The following ME2 variants were observed in gnomAD, a reference collection of about 807,000 sequenced individuals.
ME2 encodes the protein NAD-dependent malic enzyme, mitochondrial.
A neutral mutation model predicts 73.7 loss-of-function variants in ME2; 60 were observed. That is an observed-to-expected ratio of 0.81 (90% CI 0.66 to 1.01). The LOEUF (loss-of-function observed/expected upper bound fraction) is 1.01. Ranked by LOEUF, ME2 falls within the 50% of genes least tolerant of loss-of-function variation. ME2 has a pLI of 0.00. For synonymous variants in ME2, 199 were observed against 236.9 expected (o/e 0.84, Z 1.47); for missense variants, 594 against 705.5 (o/e 0.84, Z 1.79).
chr18:50,935,882 A>AG (rs1917807954), intron 13 of ME2: 1 of 152,136 alleles, frequency 6.6e-6, no homozygotes, highest in Non-Finnish European at 1.5e-5. Flanking sequence ...AGAAAAAAAA[A>AG]TAGGTAAGGG....
intron 13 of ME2, chr18:50,933,472 C>T (rs1917744959): frequency 6.6e-6 from 1 of 151,882 alleles, no homozygotes; most frequent in Non-Finnish European, 1.5e-5. Context: ...TTTTTTGCCC[C>T]TCATGTTTTC....
intron 2 of ME2, among the ~76,000 whole-genome samples, chr18:50,899,961 G>C (rs1916847647): frequency 6.6e-6 from 1 of 152,172 alleles, no homozygotes. Flanking sequence ...TTGGTGCTCG[G>C]AGTTTCACAG....
chr18:50,946,336 A>G, intron 15 of ME2, among the ~76,000 whole-genome samples: 1 of 152,168 alleles, frequency 6.6e-6, no homozygotes, highest in South Asian at 2.1e-4. Context: ...CTTACTGTTG[A>G]GGGTCTAATA....
At chr18:50,924,915 C>T (rs1259215497) in intron 11 of ME2, among the ~76,000 whole-genome samples, 1 of 151,794 alleles carries the variant, frequency 6.6e-6, no homozygotes, top group Non-Finnish European at 1.5e-5. Context: ...CTCCTGACCT[C>T]AGGTGATCCA....
At chr18:50,936,249 T>G (rs1599123182) in intron 13 of ME2, among the ~76,000 whole-genome samples, 1 of 152,248 alleles carries the variant, frequency 6.6e-6, no homozygotes, top group East Asian at 1.9e-4. Context: ...CTTGCCAACC[T>G]AGAATTCATT....
chr18:50,895,674 C>T, intron 1 of ME2, 135 bp from the exon 2 acceptor site: 2 of 610,490 alleles, frequency 3.3e-6, no homozygotes, highest in South Asian at 2.1e-5. Flanking sequence ...AAGTTTTCAC[C>T]TTCGCCTCTT....
intron 1 of ME2, among the ~76,000 whole-genome samples, chr18:50,881,068 G>T (rs765184772): frequency 2.0e-5 from 3 of 152,092 alleles, no homozygotes; most frequent in Non-Finnish European, 4.4e-5. Flanking sequence ...TGCTCTTGTT[G>T]CCCAGGCTGG....
chr18:50,947,216 C>G lies in ME2; in HGVS notation c.*32C>G. The G allele has an allele frequency of 6.3e-7, 1 of 1,589,872 alleles. No individual in the cohort carries two copies. The highest frequency in any genetic ancestry group is 1.4e-5 in the African/African-American group (1 of 73,828). On this transcript the variant is annotated 3_prime_UTR_variant, in exon 16 of 16. Transcript: ENST00000321341. ...TCCCCTGATAAATACTTTCTGTGCT[C>G]CAGGGAACCCCTTTTTTCAGACAAG...
intron 1 of ME2, among the ~76,000 whole-genome samples, chr18:50,884,070 C>G (rs781016203): frequency 2.6e-5 from 4 of 152,020 alleles, no homozygotes; most frequent in Non-Finnish European, 5.9e-5. Flanking sequence ...CTGTCTGTTT[C>G]TGTCTGTAAG....
intron 12 of ME2, among the ~76,000 whole-genome samples, chr18:50,928,142 A>G (rs1186411129): frequency 1.3e-5 from 2 of 150,546 alleles, no homozygotes; most frequent in Non-Finnish European, 3.0e-5. Flanking sequence ...TGTGAATTGC[A>G]ATTAAAATTT....
chr18:50,903,308 A>G (rs1160651629), intron 2 of ME2, among the ~76,000 whole-genome samples: 1 of 152,204 alleles, frequency 6.6e-6, no homozygotes, highest in Non-Finnish European at 1.5e-5. Flanking sequence ...ATAAATATCT[A>G]TACATAAAAT....
intron 1 of ME2, among the ~76,000 whole-genome samples, chr18:50,882,965 C>CA (rs973622536): frequency 6.6e-6 from 1 of 151,812 alleles, no homozygotes; most frequent in Non-Finnish European, 1.5e-5. Context: ...AAAAAACAAA[C>CA]AAAAAAACTA....
rs1403448574 is a variant in ME2, at chr18:50,948,266, A to T, written c.*1082A>T. 6.6e-6 allele frequency: 1 copy of T among 152,234 alleles called. No homozygotes were observed. Among genetic ancestry groups the T allele is most frequent in the Non-Finnish European group, 1.5e-5 (1 of 68,040 alleles). The allele number at this position is 152,234 out of a possible 1,614,324, so 9.4% of individuals were successfully genotyped here. On this transcript the variant is annotated 3_prime_UTR_variant, in exon 16 of 16. Coordinates refer to ENST00000321341, the MANE Select transcript of ME2 (RefSeq NM_002396.5). ...ATGGGGATGAATAAGGTTGGTGTTC[A>T]TCTGGGAAATGCCTTTTTTAATCCC...
In ME2 at chr18:50,920,226, C is replaced by T. The variant is rs553024598; in HGVS notation, c.735-230C>T. Reference sequence around the variant, plus strand: ...GAAAATAGTTTACATAGATTGATAGCCCATGGGTTTATCATTGTGCCACAT... The same window carrying T: ...GAAAATAGTTTACATAGATTGATAGTCCATGGGTTTATCATTGTGCCACAT... On this transcript the variant is annotated intron_variant, in intron 7 of 15. Transcript: ENST00000321341. Among the ~76,000 whole-genome samples, 3 of 152,210 alleles carry T rather than the reference C, an allele frequency of 2.0e-5. No homozygotes were observed. The South Asian group carries it at 6.2e-4, about 32-fold the overall frequency.
chr18:50,951,797 G>A lies in ME2; in HGVS notation c.*4613G>A, dbSNP rs531174353. On this transcript the variant is annotated 3_prime_UTR_variant, in exon 16 of 16. Transcript: ENST00000321341. ...GGAGTCTGAGGAGTGAACCCGGGAG[G>A]TGGAGGTTGCAGTGAGCTGAGATCG... The A allele has an allele frequency of 2.1e-5, 3 of 146,164 alleles. No individual in the cohort carries two copies. In the South Asian group the frequency reaches 6.7e-4, roughly 32 times the overall value. 9.1% of individuals were successfully genotyped at this position (146,164 alleles called of 1,614,324 possible).
intron 4 of ME2, among the ~76,000 whole-genome samples, chr18:50,914,030 G>C (rs1262527059): frequency 6.6e-6 from 1 of 152,024 alleles, no homozygotes; most frequent in Non-Finnish European, 1.5e-5. Context: ...GCCTTGTCTA[G>C]TGGCTTTCAA....
At position 50,907,894 on chromosome 18, in the gene ME2, T is replaced by C. The variant is rs115327746; in HGVS notation, c.109-169T>C. Among the ~76,000 whole-genome samples the C allele has an allele frequency of 2.1e-3, 325 of 152,344 alleles. 1 individual carries two copies. Among genetic ancestry groups the C allele is most frequent in the African/African-American group, 7.2e-3 (299 of 41,586 alleles). The stretch of plus-strand genomic sequence containing the variant: ...GCAGTGGTTTGTGAGAATAACTATT[T>C]TCCACACCCTGACCAATACTGACAT... On this transcript the variant is annotated intron_variant, in intron 2 of 15. Transcript: ENST00000321341.
intron 5 of ME2, chr18:50,916,479 G>A (rs1333487077): frequency 5.5e-6 from 2 of 362,578 alleles, no homozygotes; most frequent in Non-Finnish European, 9.9e-6. Flanking sequence ...GAGCCCTCTC[G>A]GTATCAGCAC....
intron 7 of ME2, among the ~76,000 whole-genome samples, chr18:50,918,545 G>A (rs1917342411): frequency 1.3e-5 from 2 of 152,144 alleles, no homozygotes; most frequent in African/African-American, 4.8e-5. Context: ...CTCTTGTGCA[G>A]CTTTTGTATT....
Sources: gnomAD v4.1 joint callset for allele counts (sites outside exome capture counted in the v4.1 genomes callset) on GRCh38, gnomAD v4.1.1 for gene constraint, MANE v1.5 for transcripts, NCBI Gene and HGNC (gene_info 2026-07-23, HGNC 2026-07-21) for gene names.